SLC8B1: variants seen among roughly 807,000 people sequenced by gnomAD.
The protein encoded by SLC8B1 is solute carrier family 8 member B1.
Under a neutral mutation model 63.4 loss-of-function variants are expected in SLC8B1, and 52 were observed. The ratio of observed to expected loss-of-function variants is 0.82; its 90% confidence interval spans 0.66 to 1.03. The LOEUF is 1.03. Among genes scored for constraint, SLC8B1 ranks in the 50% least tolerant of loss-of-function variants. SLC8B1 has a pLI of 0.00. For missense variants in SLC8B1, 657 were observed against 741.7 expected (o/e 0.89, Z 1.33); for synonymous variants, 336 against 323.9 (o/e 1.04, Z -0.40).
chr12:113,308,776 G>A (rs1229416097), intron 12 of SLC8B1: 5 of 152,090 alleles, frequency 3.3e-5, no homozygotes, highest in Non-Finnish European at 5.9e-5. Context: ...AACACCCTTC[G>A]GTTGGTACAT....
rs533322365 is a variant in SLC8B1 at position 113,318,608 on chromosome 12, T to C, written c.802+356A>G. On this transcript the variant is annotated intron_variant, in intron 8 of 15. Transcript: ENST00000680972. ...GTATATGACTGTATTTGAATATTAT[T>C]GATTTCTTTGTATTTATTTTTTATT... Among the ~76,000 whole-genome samples the C allele has an allele frequency of 2.0e-5, 3 of 152,342 alleles. No individual in the cohort carries two copies. In the South Asian group the frequency reaches 6.2e-4, roughly 32 times the overall value.
At chr12:113,328,671 A>C (rs1283204768) in intron 2 of SLC8B1, among the ~76,000 whole-genome samples, 1 of 151,268 alleles carries the variant, frequency 6.6e-6, no homozygotes, top group East Asian at 1.9e-4. Flanking sequence ...TCACCACCCA[A>C]TTCTTGGTTC....
At chr12:113,318,416 GTA>G (rs201477555) in intron 8 of SLC8B1, among the ~76,000 whole-genome samples, 1 of 150,126 alleles carries the variant, frequency 6.7e-6, no homozygotes, top group Non-Finnish European at 1.5e-5. Context: ...GCATATATTT[GTA>G]TGTGTGTTGT....
Position 113,319,066 on chromosome 12 carries a change from G to A in SLC8B1, c.700C>T (p.Leu234=), listed in dbSNP as rs1956884235. The change falls in exon 8 of 16, where the codon CTG becomes TTG. Residue 234 remains leucine, a synonymous_variant. Transcript: ENST00000680972. ...ACCACATAGAACACATACAAGCCCA[G>A]GTAACCTGCAGACGGGGTGCACGCC... ...RVTLAWALGY[L]GLYVFYVVTV... 1.2e-6 allele frequency: 2 copies of A among 1,613,630 alleles called. No individual in the cohort carries two copies. The highest frequency in any genetic ancestry group is 1.7e-6 in the Non-Finnish European group (2 of 1,179,710).
Position 113,320,296 on chromosome 12 carries a change from C to T in SLC8B1, c.694+35G>A. 6.2e-7 allele frequency: 1 copy of T among 1,609,300 alleles called. No individual in the cohort carries two copies. The highest frequency in any genetic ancestry group is 8.5e-7 in the Non-Finnish European group (1 of 1,177,472). On this transcript the variant is annotated intron_variant, in intron 7 of 15. Transcript: ENST00000680972. The surrounding 1 kb of genome is among the most constrained non-coding windows in gnomAD (Gnocchi z 5.3). ...CTCCTAAACCTCCTGCCCATCAGCC[C>T]TGGGATCTCACGCCTGAGCCCCAGA...
In SLC8B1 at chr12:113,329,304, C is replaced by T. The variant is rs57665938; in HGVS notation, c.156+3419G>A. Among the ~76,000 whole-genome samples, 1,273 of 152,262 alleles carry T rather than the reference C, an allele frequency of 8.4e-3. 20 individuals carry two copies. The highest frequency in any genetic ancestry group is 0.029 in the African/African-American group (1,210 of 41,548). Reference sequence around the variant, plus strand: ...TGAGAAGTGGCTCCAAACTCAGCTCCGCCTGAAAGTTACTCGCTGAAGCTC... The same window carrying T: ...TGAGAAGTGGCTCCAAACTCAGCTCTGCCTGAAAGTTACTCGCTGAAGCTC... On this transcript the variant is annotated intron_variant, in intron 2 of 15. Coordinates refer to ENST00000680972, the MANE Select transcript of SLC8B1 (RefSeq NM_001358345.2).
chr12:113,308,017 C>T (rs888958961), intron 12 of SLC8B1, 173 bp from the exon 13 acceptor site: 5 of 724,886 alleles, frequency 6.9e-6, no homozygotes, highest in Admixed American at 3.4e-5. Context: ...CTCAATAAAA[C>T]GTGAGTTCAA....
intron 15 of SLC8B1, chr12:113,302,365 G>A (rs547594249): frequency 3.8e-6 from 1 of 260,190 alleles, no homozygotes; most frequent in Admixed American, 4.8e-5. Flanking sequence ...TCTGGAGCTT[G>A]GAGGTGGCAC....
At chr12:113,316,916 T>C (rs1956843216) in intron 9 of SLC8B1, 26 bp downstream of exon 9, 1 of 1,611,136 alleles carries the variant, frequency 6.2e-7, no homozygotes, top group Admixed American at 1.7e-5. Context: ...ACCGCCACCC[T>C]GGCTGGGCAC....
chr12:113,329,082 C>T (rs1844607712), intron 2 of SLC8B1, among the ~76,000 whole-genome samples: 2 of 152,156 alleles, frequency 1.3e-5, no homozygotes, highest in Admixed American at 6.5e-5. Flanking sequence ...ATCTGCCCCT[C>T]CCACTAAAGT....
At chr12:113,309,770 C>A (rs891047035) in intron 12 of SLC8B1, among the ~76,000 whole-genome samples, 3 of 151,804 alleles carry the variant, frequency 2.0e-5, no homozygotes, top group Non-Finnish European at 4.4e-5. Flanking sequence ...AAAAGGAAAT[C>A]ACATATTGTA....
chr12:113,315,952 C>CGT (rs1241354233), intron 10 of SLC8B1, among the ~76,000 whole-genome samples: 47 of 152,304 alleles, frequency 3.1e-4, no homozygotes, highest in Non-Finnish European at 7.4e-5. Flanking sequence ...TGGCTGGATG[C>CGT]GGTGGCTCAC....
At chr12:113,307,968 C>T (rs1956699472) in intron 12 of SLC8B1, 124 bp from the exon 13 acceptor site, 1 of 1,163,154 alleles carries the variant, frequency 8.6e-7, no homozygotes, top group Non-Finnish European at 1.2e-6. Flanking sequence ...GAGTATAAAA[C>T]ACGTTACTAT....
chr12:113,324,402 CTTTTTTTTTTTT>C lies in SLC8B1; in HGVS notation c.157-3066_157-3055del, dbSNP rs780610962. On this transcript the variant is annotated intron_variant, in intron 2 of 15. Transcript: ENST00000680972. ...TACCCACTCAGCCACTCAGCTCTAC[CTTTTTTTTTTTT>C]TTTTTTTTTGGAGACAGAGTCTCCC... 2.8e-4 allele frequency among the ~76,000 whole-genome samples: 36 copies of C among 130,824 alleles called. No homozygotes were observed. In the South Asian group the frequency reaches 6.9e-3, roughly 25 times the overall value. 85.8% of individuals were successfully genotyped at this position (130,824 alleles called of 152,430 possible).
intron 1 of SLC8B1, among the ~76,000 whole-genome samples, chr12:113,333,264 G>C (rs1957081028): frequency 6.7e-6 from 1 of 148,416 alleles, no homozygotes. Context: ...CCAAGATTCA[G>C]AGTCTCAGGC....
chr12:113,316,658 T>G lies in SLC8B1; in HGVS notation c.863-2A>C, dbSNP rs753524846. 3.3e-5 allele frequency: 53 copies of G among 1,613,204 alleles called. No homozygotes were observed. The Middle Eastern group carries it at 2.2e-3, about 67-fold the overall frequency. On this transcript the variant is annotated splice_acceptor_variant, in intron 9 of 15. Coordinates refer to ENST00000680972, the MANE Select transcript of SLC8B1 (RefSeq NM_001358345.2). LOFTEE classifies it high-confidence loss of function. ...AGAACAGCGGCCGGTACTCATCACC[T>G]GTGTGCAGGGGTCGGGTGGTGAGGT...
intron 2 of SLC8B1, among the ~76,000 whole-genome samples, chr12:113,330,086 A>G (rs7969912): frequency 0.11 from 17,338 of 151,692 alleles, 1,084 homozygotes; most frequent in African/African-American, 0.17. Context: ...GCAAAGCAGC[A>G]CCCCCCTCCC....
intron 14 of SLC8B1, 92 bp from the exon 15 acceptor site, chr12:113,304,477 T>G: frequency 2.5e-6 from 3 of 1,195,030 alleles, no homozygotes; most frequent in Non-Finnish European, 3.7e-6. Flanking sequence ...CCCCAGGGCT[T>G]GGGATGCCAC....
At chr12:113,300,259 C>T (rs917929003) in intron 15 of SLC8B1, among the ~76,000 whole-genome samples, 1 of 152,186 alleles carries the variant, frequency 6.6e-6, no homozygotes, top group Non-Finnish European at 1.5e-5. Flanking sequence ...AGGTGGATCA[C>T]CTGAGGTCAG....
Sources: allele counts gnomAD v4.1 joint callset (sites outside exome capture counted in the v4.1 genomes callset), GRCh38; gene constraint gnomAD v4.1.1; non-coding constraint Gnocchi (gnomAD v3.1); transcripts MANE v1.5; gene names NCBI Gene and HGNC (gene_info 2026-07-23, HGNC 2026-07-21).